Variants in LYSMD4 observed in about 807,000 individuals in gnomAD.
LYSMD4 encodes the protein LysM domain containing 4.
Under a neutral mutation model 6.1 loss-of-function variants are expected in LYSMD4, and 9 were observed. That is an observed-to-expected ratio of 1.47 (90% CI 0.88 to 2.56). The LOEUF (loss-of-function observed/expected upper bound fraction) is 2.56. LYSMD4 is among the 30% of genes most tolerant of loss of function. The pLI is 0.00. For synonymous variants in LYSMD4, 143 were observed against 148.5 expected (o/e 0.96, Z 0.27); for missense variants, 384 against 373.5 (o/e 1.03, Z -0.23).
chr15:99,722,388 A>G (rs1261531371), upstream of LYSMD4, among the ~76,000 whole-genome samples: 1 of 152,222 alleles, frequency 6.6e-6, no homozygotes, highest in Non-Finnish European at 1.5e-5. Flanking sequence ...AGTGAGCCTC[A>G]GAAGGACTGA....
downstream of LYSMD4, among the ~76,000 whole-genome samples, chr15:99,726,997 GCA>G (rs1010969194): frequency 6.6e-6 from 1 of 152,136 alleles, no homozygotes; most frequent in Non-Finnish European, 1.5e-5. Flanking sequence ...CAGGGAACAG[GCA>G]CAGTCCTCAC....
Position 99,729,055 on chromosome 15 carries a change from C to T in LYSMD4, c.*68G>A, listed in dbSNP as rs115971656. 6.7e-4 allele frequency: 1,061 copies of T among 1,581,606 alleles called. 6 individuals carry two copies. The African/African-American group carries it at 7.7e-3, about 11-fold the overall frequency. ...GCAAAATGCAGCACCCCTAGGACAT[C>T]GCCAGTGACAGCTGAGGCACATCAA... On this transcript the variant is annotated 3_prime_UTR_variant, in exon 3 of 3. Coordinates refer to ENST00000684762, the MANE Select transcript of LYSMD4 (RefSeq NM_001284417.2).
rs766394415 is a variant in LYSMD4, at chr15:99,729,406, G to GC, written c.607dup (p.Ala203GlyfsTer39). ...ACCATCCATAGGCGTCTTCGGAGGT[G>GC]CCGGGAGCAGTGGCTGATGGGAGGT... is the stretch of plus-strand genomic sequence containing the variant. On this transcript the variant is annotated frameshift_variant, in exon 3 of 3. Coordinates refer to ENST00000684762, the MANE Select transcript of LYSMD4 (RefSeq NM_001284417.2). LOFTEE classifies it low-confidence loss of function (END_TRUNC). 6.2e-7 allele frequency: 1 copy of GC among 1,614,214 alleles called. No homozygotes were observed. The highest frequency in any genetic ancestry group is 8.5e-7 in the Non-Finnish European group (1 of 1,180,050).
At chr15:99,730,985 C>T (rs1051455810) in intron 2 of LYSMD4, among the ~76,000 whole-genome samples, 1 of 152,162 alleles carries the variant, frequency 6.6e-6, no homozygotes, top group Non-Finnish European at 1.5e-5. Context: ...CGCAACACCC[C>T]ACACAACATG....
At chr15:99,731,356 A>G (rs2059405552) in intron 2 of LYSMD4, 2 of 1,612,992 alleles carry the variant, frequency 1.2e-6, no homozygotes, top group East Asian at 4.5e-5. Flanking sequence ...AAGCAAGCAT[A>G]CCATAGAAAT....
intron 2 of LYSMD4, 29 bp downstream of exon 2, chr15:99,731,689 C>A (rs372965949): frequency 4.8e-5 from 74 of 1,547,240 alleles, no homozygotes; most frequent in Non-Finnish European, 6.0e-5. Context: ...TGAAACGGAG[C>A]GGGGCAGGGC....
At chr15:99,720,186 G>A (rs1256092301), upstream of LYSMD4, among the ~76,000 whole-genome samples, 1 of 152,062 alleles carries the variant, frequency 6.6e-6, no homozygotes, top group African/African-American at 2.4e-5. Flanking sequence ...AGTTACATTT[G>A]GAAATATTTT....
chr15:99,731,553 A>C, intron 2 of LYSMD4, 165 bp downstream of exon 2: 1 of 1,533,110 alleles, frequency 6.5e-7, no homozygotes, highest in East Asian at 2.3e-5. Flanking sequence ...AGGTACTCCC[A>C]CCTGCATTCC....
At chr15:99,726,146 GTTTTTTTTTT>G (rs10637642), downstream of LYSMD4, among the ~76,000 whole-genome samples, 135 of 62,182 alleles carry the variant, frequency 2.2e-3, no homozygotes, top group Non-Finnish European at 3.3e-3. Flanking sequence ...GTCTCAAGTG[GTTTTTTTTTT>G]TTTTTTTTTT....
At chr15:99,720,760 G>A (rs1158636675), upstream of LYSMD4, 1 of 152,106 alleles carries the variant, frequency 6.6e-6, no homozygotes, top group Non-Finnish European at 1.5e-5. Flanking sequence ...GAAAATAGAT[G>A]GAATCTGATG....
exon 2 of LYSMD4, chr15:99,716,581 CT>C (rs1263422297): frequency 2.2e-6 from 1 of 456,610 alleles, no homozygotes; most frequent in Non-Finnish European, 4.4e-6. Flanking sequence ...TTTTTCATTC[CT>C]TTCACGAAGA....
chr15:99,721,114 T>C (rs905143149), upstream of LYSMD4: 1 of 152,098 alleles, frequency 6.6e-6, no homozygotes, highest in Non-Finnish European at 1.5e-5. Context: ...GTGCTAGACA[T>C]ATTTGATTCT....
chr15:99,729,252 T>C lies in LYSMD4; in HGVS notation c.762A>G (p.Thr254=), dbSNP rs1369606530. The C allele has an allele frequency of 5.6e-6, 9 of 1,614,126 alleles. No individual in the cohort carries two copies. The highest frequency in any genetic ancestry group is 7.6e-6 in the Non-Finnish European group (9 of 1,180,050). ...CCATCGAGCCATTGGGGATGACAGT[T>C]GTGTTCAAGCTATTAGGGGTCTCAC... ...ASGETPNSLN[T]TVIPNGSMAM... Residue 254 remains threonine (T), a synonymous_variant, in exon 3 of 3, where the codon ACA becomes ACG. Coordinates refer to ENST00000684762, the MANE Select transcript of LYSMD4 (RefSeq NM_001284417.2).
chr15:99,733,194 G>A (rs2059465415), intron 1 of LYSMD4, 151 bp downstream of exon 1: 1 of 373,484 alleles, frequency 2.7e-6, no homozygotes, highest in Admixed American at 4.6e-5. Flanking sequence ...CGACAGTCGC[G>A]GTCACCGCCC....
At chr15:99,732,949 C>CCCGG (rs1303887905) in intron 1 of LYSMD4, 2 of 169,402 alleles carry the variant, frequency 1.2e-5, no homozygotes, top group Admixed American at 1.3e-4. Context: ...ACGGCGGCAG[C>CCCGG]CCGGGGACGG....
chr15:99,718,865 G>A (rs1421902133), upstream of LYSMD4, among the ~76,000 whole-genome samples: 7 of 151,716 alleles, frequency 4.6e-5, no homozygotes, highest in East Asian at 1.9e-4. Context: ...CACCTCTTTC[G>A]GACTCTTTCT....
downstream of LYSMD4, among the ~76,000 whole-genome samples, chr15:99,726,796 C>T (rs186458490): frequency 2.6e-4 from 39 of 152,252 alleles, no homozygotes; most frequent in East Asian, 1.9e-4. Context: ...CCCAAAGACA[C>T]TGAAAACATA....
At chr15:99,726,157 T>TTTTTTG (rs1156489092), downstream of LYSMD4, among the ~76,000 whole-genome samples, 24 of 139,318 alleles carry the variant, frequency 1.7e-4, no homozygotes, top group Non-Finnish European at 3.1e-4. Flanking sequence ...TTTTTTTTTT[T>TTTTTTG]TTTTTTTTTT....
rs929911614 is a variant in LYSMD4 at position 99,733,406 on chromosome 15, C to G, written c.-70G>C. 1 of 395,432 alleles carries G rather than the reference C, an allele frequency of 2.5e-6. No homozygotes were observed. 24.5% of individuals were successfully genotyped at this position (395,432 alleles called of 1,614,324 possible). A position where few individuals can be genotyped will look rare whatever the true frequency, so the allele number is the denominator to read the frequency against. ...GACTCGCGACCCGCGACCCGCGACC[C>G]GCAGCTGCCACCGCGCCTGCGGATT... On this transcript the variant is annotated 5_prime_UTR_variant, in exon 1 of 3. Transcript: ENST00000684762.
Sources: allele counts gnomAD v4.1 joint callset (sites outside exome capture counted in the v4.1 genomes callset), GRCh38; gene constraint gnomAD v4.1.1; transcripts MANE v1.5; gene names NCBI Gene and HGNC (gene_info 2026-07-23, HGNC 2026-07-21).